The following CCDC141 variants were observed in gnomAD, a reference collection of about 807,000 sequenced individuals.
The protein encoded by CCDC141 is coiled-coil domain containing 141.
A neutral mutation model predicts 181.0 loss-of-function variants in CCDC141; 168 were observed. The observed-to-expected ratio is 0.93, with a 90% CI of 0.82 to 1.05. The LOEUF (loss-of-function observed/expected upper bound fraction) is 1.05. Ranked by LOEUF, CCDC141 falls within the 50% of genes least tolerant of loss-of-function variation. The probability of loss-of-function intolerance (pLI) is 0.00; values close to 1 mark genes in which losing one functional copy is unlikely to be tolerated. For synonymous variants in CCDC141, 666 were observed against 642.3 expected (o/e 1.04, Z -0.56); for missense variants, 1,902 against 1,788.5 (o/e 1.06, Z -1.14).
chr2:178,837,815 C>T, intron 22 of CCDC141, 71 bp from the exon 23 acceptor site: 1 of 1,515,944 alleles, frequency 6.6e-7, no homozygotes, highest in South Asian at 1.3e-5. Flanking sequence ...TACAGTAAAA[C>T]TCAACTTCAG....
In CCDC141 at chr2:178,923,678, C is replaced by G. The variant is rs1486642622; in HGVS notation, c.898-4771G>C. ...CTTTTCAATTTGACAGAGATGCGTG[C>G]GTATCTCCGACCCGATACAGACGTG... On this transcript the variant is annotated intron_variant, in intron 6 of 23. Transcript: ENST00000443758. Among the ~76,000 whole-genome samples the G allele has an allele frequency of 3.3e-5, 5 of 152,118 alleles. No individual in the cohort carries two copies. In the East Asian group the frequency reaches 7.7e-4, roughly 23 times the overall value.
rs59851189 is a variant in CCDC141 at position 179,013,960 on chromosome 2, CAAAAA to C, written c.225+33319_225+33323del. 4.3e-3 allele frequency among the ~76,000 whole-genome samples: 203 copies of C among 46,896 alleles called. 5 individuals carry two copies. Among genetic ancestry groups the C allele is most frequent in the African/African-American group, 0.019 (194 of 9,974 alleles). The allele number at this position is 46,896 out of a possible 152,430, so 30.8% of individuals were successfully genotyped here. On this transcript the variant is annotated intron_variant, in intron 2 of 23. Coordinates refer to ENST00000443758, the MANE Select transcript of CCDC141 (RefSeq NM_173648.4). ...TGGGCTACAGAGTGAGACTCCATCT[CAAAAA>C]AAAAAAAAAAAAAAAAAAAAAAGGA...
rs750883745 is a variant in CCDC141, at chr2:178,920,775, G to A, written c.898-1868C>T. Among the ~76,000 whole-genome samples, 66 of 151,810 alleles carry A rather than the reference G, an allele frequency of 4.3e-4. 1 individual carries two copies. Among genetic ancestry groups the A allele is most frequent in the Middle Eastern group, 3.2e-3 (1 of 316 alleles). ...ATAACAATTAGCAGATGTTAAGATA[G>A]AAACTGTACATATTATTTTGTGGTG... is the stretch of plus-strand genomic sequence containing the variant. On this transcript the variant is annotated intron_variant, in intron 6 of 23. Transcript: ENST00000443758.
At position 178,832,064 on chromosome 2, in the gene CCDC141, T is replaced by C. The variant is rs1360810499; in HGVS notation, c.*2109A>G. 6.6e-6 allele frequency: 1 copy of C among 152,058 alleles called. No individual in the cohort carries two copies. The highest frequency in any genetic ancestry group is 2.4e-5 in the African/African-American group (1 of 41,404). The allele number at this position is 152,058 out of a possible 1,614,324, so 9.4% of individuals were successfully genotyped here. A position where few individuals can be genotyped will look rare whatever the true frequency, so the allele number is the denominator to read the frequency against. ...CATGTTGACAAAATGGGAAGGGAGA[T>C]CCTGCCAAATTAATAAGAAAGAGAA... On this transcript the variant is annotated 3_prime_UTR_variant, in exon 24 of 24. Coordinates refer to ENST00000443758, the MANE Select transcript of CCDC141 (RefSeq NM_173648.4).
chr2:178,886,671 G>C (rs1686901170), intron 10 of CCDC141, 81 bp downstream of exon 10: 2 of 904,656 alleles, frequency 2.2e-6, no homozygotes, highest in East Asian at 5.9e-5. Context: ...AGTGAGCTAG[G>C]ATTAAGTTTA....
downstream of CCDC141, among the ~76,000 whole-genome samples, chr2:178,825,950 T>C (rs532450755): frequency 4.6e-5 from 7 of 152,294 alleles, no homozygotes; most frequent in South Asian, 8.3e-4. Context: ...TCTTTTAAAA[T>C]CTTAGTAACT....
At chr2:178,972,669 C>G (rs1690946793) in intron 4 of CCDC141, among the ~76,000 whole-genome samples, 2 of 152,134 alleles carry the variant, frequency 1.3e-5, no homozygotes, top group African/African-American at 4.8e-5. Flanking sequence ...ATCCGGAAAC[C>G]ATATTTGCTG....
chr2:178,859,747 T>G (rs1685523499), intron 17 of CCDC141, among the ~76,000 whole-genome samples: 1 of 152,228 alleles, frequency 6.6e-6, no homozygotes, highest in South Asian at 2.1e-4. Context: ...AAACTATAGC[T>G]ATTTTGAAAT....
At chr2:179,031,817 A>G (rs892190822) in intron 2 of CCDC141, among the ~76,000 whole-genome samples, 3 of 152,084 alleles carry the variant, frequency 2.0e-5, no homozygotes, top group Admixed American at 6.6e-5. Flanking sequence ...CAGGCACTCA[A>G]AGCAGTCAGC....
chr2:178,879,997 A>G (rs962487914), intron 11 of CCDC141, among the ~76,000 whole-genome samples: 40 of 152,226 alleles, frequency 2.6e-4, no homozygotes, highest in African/African-American at 6.8e-4. Flanking sequence ...GCTGTAACCA[A>G]TATAACTGAG....
chr2:179,033,182 TCACATC>T (rs1376847879), intron 2 of CCDC141, among the ~76,000 whole-genome samples: 1 of 151,798 alleles, frequency 6.6e-6, no homozygotes, highest in Non-Finnish European at 1.5e-5. Flanking sequence ...AGTTGGTTCT[TCACATC>T]CACATCCACA....
At position 178,858,962 on chromosome 2, in the gene CCDC141, T is replaced by G. The variant is rs560317812; in HGVS notation, c.2725-2565A>C. 2.0e-5 allele frequency among the ~76,000 whole-genome samples: 3 copies of G among 152,200 alleles called. No homozygotes were observed. In the South Asian group the frequency reaches 6.2e-4, roughly 32 times the overall value. The stretch of plus-strand genomic sequence containing the variant: ...CTCAACCATGAGATTTTAAATCTAC[T>G]TTGGATTAAGAAATTTAAGACTGAT... On this transcript the variant is annotated intron_variant, in intron 17 of 23. Transcript: ENST00000443758.
At chr2:178,945,287 T>C (rs1008866763) in intron 5 of CCDC141, among the ~76,000 whole-genome samples, 2 of 152,122 alleles carry the variant, frequency 1.3e-5, no homozygotes, top group Admixed American at 6.6e-5. Flanking sequence ...AGATTCCTTA[T>C]CTCAATTAAA....
chr2:179,034,608 A>G (rs1559062597), intron 2 of CCDC141, among the ~76,000 whole-genome samples: 2 of 152,222 alleles, frequency 1.3e-5, no homozygotes, highest in Non-Finnish European at 2.9e-5. Flanking sequence ...TGAAGCTAGT[A>G]GATCACAGAA....
the CCDC141 span, among the ~76,000 whole-genome samples, chr2:178,824,520 G>A: frequency 6.6e-6 from 1 of 150,542 alleles, no homozygotes; most frequent in African/African-American, 2.4e-5. Flanking sequence ...TCAGGAGGCT[G>A]AGGCAGAAGA....
At chr2:178,949,190 T>C (rs961992246) in intron 5 of CCDC141, among the ~76,000 whole-genome samples, 2 of 151,524 alleles carry the variant, frequency 1.3e-5, no homozygotes, top group African/African-American at 4.9e-5. Flanking sequence ...GAAGGACTCC[T>C]TTTTTTTTCT....
chr2:179,015,465 CTCATATATGTGCCATATATA>C (rs1559049805), intron 2 of CCDC141, among the ~76,000 whole-genome samples: 185 of 115,266 alleles, frequency 1.6e-3, no homozygotes, highest in East Asian at 3.1e-3. Context: ...CCATATATAT[CTCATATATGTGCCATATATA>C]TCATATATGT....
chr2:178,984,848 C>T (rs1691641072), intron 2 of CCDC141, among the ~76,000 whole-genome samples: 1 of 152,030 alleles, frequency 6.6e-6, no homozygotes, highest in Non-Finnish European at 1.5e-5. Flanking sequence ...GAGACTTAGA[C>T]TCCCACACAT....
chr2:178,892,534 T>C (rs1265336868), intron 8 of CCDC141, among the ~76,000 whole-genome samples: 1 of 152,162 alleles, frequency 6.6e-6, no homozygotes, highest in East Asian at 1.9e-4. Flanking sequence ...CACCCTAATC[T>C]GCGGGTTACA....
Sources: allele counts gnomAD v4.1 joint callset (sites outside exome capture counted in the v4.1 genomes callset), GRCh38; gene constraint gnomAD v4.1.1; transcripts MANE v1.5; gene names NCBI Gene and HGNC (gene_info 2026-07-23, HGNC 2026-07-21).